Variants in SMAD6 observed in about 807,000 individuals in gnomAD.
The protein encoded by SMAD6 is SMAD family member 6, also known as MAD homolog 6.
A neutral mutation model predicts 39.4 loss-of-function variants in SMAD6; 103 were observed. That is an observed-to-expected ratio of 2.62 (90% CI 2.23 to 3.08). The LOEUF is 3.08. Among genes scored for constraint, SMAD6 ranks in the 30% most tolerant of loss-of-function variants. The pLI, the probability that SMAD6 is intolerant of heterozygous loss-of-function variation, is 0.00. For missense variants in SMAD6, 1,104 were observed against 742.9 expected (o/e 1.49, Z -5.65); for synonymous variants, 445 against 353.3 (o/e 1.26, Z -2.91).
At chr15:66,725,931 C>A (rs1314824355) in intron 3 of SMAD6, among the ~76,000 whole-genome samples, 1 of 152,210 alleles carries the variant, frequency 6.6e-6, no homozygotes, top group Non-Finnish European at 1.5e-5. Context: ...GGTTCTCCCC[C>A]ACCTGCCACC....
rs1893022600 is a variant in SMAD6 at position 66,703,405 on chromosome 15, AAG to A, written c.152_153del (p.Glu51GlyfsTer69). On this transcript the variant is annotated frameshift_variant, in exon 1 of 4. Transcript: ENST00000288840. LOFTEE classifies it high-confidence loss of function. ...GCCGAGCTGAGCCGGCCCCGCGGGC[AAG>A]AGAGGGCGGAGGCTGCGGCCGCTCC... ...GSRAEPAPRAREGGGCGRSEV... is the reference protein window; with the variant it reads ...GSRAEPAPRAXEGGGCGRSEV... The A allele has an allele frequency of 1.5e-6, 2 of 1,379,080 alleles. No individual in the cohort carries two copies. Among genetic ancestry groups the A allele is most frequent in the Non-Finnish European group, 1.9e-6 (2 of 1,065,544 alleles). The allele number at this position is 1,379,080 out of a possible 1,614,324, so 85.4% of individuals were successfully genotyped here. A position where few individuals can be genotyped will look rare whatever the true frequency, so the allele number is the denominator to read the frequency against.
intron 3 of SMAD6, among the ~76,000 whole-genome samples, chr15:66,717,837 C>G (rs139186895): frequency 2.4e-4 from 36 of 152,240 alleles, no homozygotes; most frequent in African/African-American, 8.2e-4. Context: ...TTGGTGGCTC[C>G]CTTCGTTAGG....
At position 66,747,346 on chromosome 15, in the gene SMAD6, G is replaced by T. The variant is rs1377433764; in HGVS notation, c.952+30848G>T. Among the ~76,000 whole-genome samples, 1 of 152,260 alleles carries T rather than the reference G, an allele frequency of 6.6e-6. No individual in the cohort carries two copies. The highest frequency in any genetic ancestry group is 6.5e-5 in the Admixed American group (1 of 15,290). ...GAGCGCCTTACCTGCCGGTGCTAAG[G>T]AGCCTGGCTTTGATTTGGACTGCCT... On this transcript the variant is annotated intron_variant, in intron 3 of 3. Coordinates refer to ENST00000288840, the MANE Select transcript of SMAD6 (RefSeq NM_005585.5). The surrounding 1 kb of genome is among the most constrained non-coding windows in gnomAD (Gnocchi z 4.5).
At chr15:66,710,039 G>A (rs1377826603) in intron 1 of SMAD6, among the ~76,000 whole-genome samples, 1 of 152,244 alleles carries the variant, frequency 6.6e-6, no homozygotes, top group African/African-American at 2.4e-5. Flanking sequence ...ATGAAGGGGT[G>A]TAAGACAGGG....
At chr15:66,752,275 A>C (rs968222678) in intron 3 of SMAD6, among the ~76,000 whole-genome samples, 2 of 152,168 alleles carry the variant, frequency 1.3e-5, no homozygotes, top group Admixed American at 6.5e-5. Flanking sequence ...ACTTTCTGAC[A>C]GACCACAGAT....
rs2140580772 is a variant in SMAD6 at position 66,703,402 on chromosome 15, G to A, written c.144G>A (p.Arg48=). ...GCAGCCGAGCTGAGCCGGCCCCGCG[G>A]GCAAGAGAGGGCGGAGGCTGCGGCC... The part of the protein sequence containing the change: ...SLGSRAEPAP[R]AREGGGCGRS... The change falls in exon 1 of 4, where the codon CGG becomes CGA. Residue 48 remains arginine (R), a synonymous_variant. Transcript: ENST00000288840. 5.8e-6 allele frequency: 8 copies of A among 1,379,754 alleles called. No homozygotes were observed. Among genetic ancestry groups the A allele is most frequent in the South Asian group, 1.7e-5 (1 of 57,760 alleles). 85.5% of individuals were successfully genotyped at this position (1,379,754 alleles called of 1,614,324 possible).
chr15:66,776,706 C>A (rs896532190), intron 3 of SMAD6, among the ~76,000 whole-genome samples: 1 of 152,132 alleles, frequency 6.6e-6, no homozygotes, highest in Non-Finnish European at 1.5e-5. Flanking sequence ...AGTCTCAGGA[C>A]CAAGTTTTCA....
At chr15:66,709,807 T>A (rs1017746140) in intron 1 of SMAD6, among the ~76,000 whole-genome samples, 1 of 152,170 alleles carries the variant, frequency 6.6e-6, no homozygotes, top group African/African-American at 2.4e-5. Flanking sequence ...GCCTCAATTC[T>A]CTTTTCCTGT....
At chr15:66,769,888 C>T (rs3934469) in intron 3 of SMAD6, among the ~76,000 whole-genome samples, 5,863 of 152,154 alleles carry the variant, frequency 0.039, 160 homozygotes, top group Admixed American at 0.081. Flanking sequence ...TGTGCAGTGG[C>T]GCAATCTTGG....
rs1170366853 is a variant in SMAD6, at chr15:66,747,458, C to G, written c.952+30960C>G. ...CGGCTGGTCTTTGTGGGCCCTGGCC[C>G]CCTTCTCTTCTGGGTGTTCCCTCAG... On this transcript the variant is annotated intron_variant, in intron 3 of 3. Transcript: ENST00000288840. The surrounding 1 kb of genome is among the most constrained non-coding windows in gnomAD (Gnocchi z 4.5). Among the ~76,000 whole-genome samples the G allele has an allele frequency of 6.6e-6, 1 of 152,232 alleles. No homozygotes were observed. Among genetic ancestry groups the G allele is most frequent in the African/African-American group, 2.4e-5 (1 of 41,458 alleles).
chr15:66,740,047 G>T (rs558739756), intron 3 of SMAD6, among the ~76,000 whole-genome samples: 1 of 152,184 alleles, frequency 6.6e-6, no homozygotes, highest in East Asian at 1.9e-4. Context: ...TGATGGCTGC[G>T]TTCTATTCTG....
At chr15:66,767,069 C>G (rs1481441215) in intron 3 of SMAD6, among the ~76,000 whole-genome samples, 4 of 152,180 alleles carry the variant, frequency 2.6e-5, no homozygotes, top group Non-Finnish European at 2.9e-5. Context: ...GATAATGATT[C>G]AACTTCTTCA....
At chr15:66,739,749 G>C (rs565059306) in intron 3 of SMAD6, among the ~76,000 whole-genome samples, 1 of 152,284 alleles carries the variant, frequency 6.6e-6, no homozygotes, top group African/African-American at 2.4e-5. Flanking sequence ...TAATCTGACT[G>C]TCCAGAGATA....
chr15:66,702,967 G>T lies in SMAD6; in HGVS notation c.-292G>T, dbSNP rs1168679329. 1.0e-5 allele frequency: 3 copies of T among 287,614 alleles called. No homozygotes were observed. Among genetic ancestry groups the T allele is most frequent in the Non-Finnish European group, 1.9e-5 (3 of 153,916 alleles). The allele number at this position is 287,614 out of a possible 1,614,324, so 17.8% of individuals were successfully genotyped here. On this transcript the variant is annotated 5_prime_UTR_variant, in exon 1 of 4. Transcript: ENST00000288840. ...GCGCCGCCTGCAGCCCCCCTAAAGC[G>T]CGGGGGCTGGAGTTGTTGAGCAGCC...
chr15:66,769,220 T>TG (rs954615011), intron 3 of SMAD6, among the ~76,000 whole-genome samples: 10 of 152,116 alleles, frequency 6.6e-5, no homozygotes, highest in African/African-American at 2.4e-4. Flanking sequence ...GTTGGATGTG[T>TG]GGGGTAACTG....
chr15:66,764,237 G>A (rs1894253203), intron 3 of SMAD6, among the ~76,000 whole-genome samples: 1 of 152,150 alleles, frequency 6.6e-6, no homozygotes, highest in Admixed American at 6.5e-5. Context: ...TTTATATAGT[G>A]CTAATAGGAT....
intron 1 of SMAD6, among the ~76,000 whole-genome samples, chr15:66,711,217 C>T (rs940571711): frequency 2.0e-5 from 3 of 152,102 alleles, no homozygotes; most frequent in Non-Finnish European, 2.9e-5. Flanking sequence ...ACTGAGCATC[C>T]GGTATTTTAT....
At chr15:66,761,836 A>G (rs1894205139) in intron 3 of SMAD6, among the ~76,000 whole-genome samples, 1 of 152,090 alleles carries the variant, frequency 6.6e-6, no homozygotes, top group African/African-American at 2.4e-5. Flanking sequence ...GGTACATTCC[A>G]CGGCACCCTG....
chr15:66,777,496 G>A (rs1164498848), intron 3 of SMAD6, among the ~76,000 whole-genome samples: 4 of 152,190 alleles, frequency 2.6e-5, no homozygotes, highest in African/African-American at 9.6e-5. Flanking sequence ...AAAAGCTTTT[G>A]AAAATTAGCT....
Sources: gnomAD v4.1 joint callset for allele counts (sites outside exome capture counted in the v4.1 genomes callset) on GRCh38, gnomAD v4.1.1 for gene constraint, Gnocchi (gnomAD v3.1) non-coding constraint, MANE v1.5 for transcripts, NCBI Gene and HGNC (gene_info 2026-07-23, HGNC 2026-07-21) for gene names.